Variants in CSE1L observed in about 807,000 individuals in gnomAD.
CSE1L encodes chromosome segregation 1 like.
CSE1L carries 24 observed loss-of-function variants against 120.4 expected under a neutral mutation model. The observed-to-expected ratio is 0.20, with a 90% CI of 0.14 to 0.28. The LOEUF is 0.28. CSE1L is among the 10% of genes least tolerant of loss of function. CSE1L has a pLI of 1.00. For missense variants in CSE1L, 830 were observed against 1,145.2 expected (o/e 0.72, Z 3.97); for synonymous variants, 402 against 398.3 (o/e 1.01, Z -0.11).
chr20:49,067,384 T>A, intron 6 of CSE1L, 104 bp downstream of exon 6: 1 of 707,966 alleles, frequency 1.4e-6, no homozygotes, highest in Non-Finnish European at 2.2e-6. Flanking sequence ...TGATAGATAA[T>A]GTTTAGAGCA....
At chr20:49,068,225 G>A (rs549803975) in intron 6 of CSE1L, among the ~76,000 whole-genome samples, 102 of 152,168 alleles carry the variant, frequency 6.7e-4, no homozygotes, top group African/African-American at 2.2e-3. Context: ...GGACTTTTTA[G>A]TGCCATTATG....
intron 1 of CSE1L, among the ~76,000 whole-genome samples, chr20:49,054,481 A>C (rs1372771434): frequency 6.6e-6 from 1 of 152,200 alleles, no homozygotes; most frequent in African/African-American, 2.4e-5. Context: ...AGCCTTGGGT[A>C]ATAGAAAGAG....
At chr20:49,054,446 C>T (rs929154510) in intron 1 of CSE1L, among the ~76,000 whole-genome samples, 4 of 152,080 alleles carry the variant, frequency 2.6e-5, no homozygotes, top group Admixed American at 2.0e-4. Context: ...CTTGGTCAGC[C>T]GTCTGTCATT....
intron 5 of CSE1L, 121 bp downstream of exon 5, chr20:49,066,631 A>C: frequency 1.1e-6 from 1 of 898,718 alleles, no homozygotes; most frequent in Admixed American, 2.9e-5. Context: ...GAATGAGAGC[A>C]GAAGTTTCTG....
At chr20:49,095,272 A>G (rs1306484015) in intron 24 of CSE1L, 2 of 319,052 alleles carry the variant, frequency 6.3e-6, no homozygotes, top group Non-Finnish European at 1.2e-5. Context: ...TTTATTTCCC[A>G]GATCGAAGTA....
chr20:49,048,140 C>CTG (rs1447136251), intron 1 of CSE1L, among the ~76,000 whole-genome samples: 6 of 141,662 alleles, frequency 4.2e-5, no homozygotes, highest in African/African-American at 1.7e-4. Flanking sequence ...CTGTGTGTGT[C>CTG]TCTCTCTTTT....
chr20:49,086,167 A>G (rs545342086), intron 16 of CSE1L, among the ~76,000 whole-genome samples: 1 of 152,200 alleles, frequency 6.6e-6, no homozygotes, highest in Admixed American at 6.5e-5. Context: ...AGATAGTCTC[A>G]GTGTTTTTCA....
intron 14 of CSE1L, among the ~76,000 whole-genome samples, chr20:49,080,838 C>A (rs554701178): frequency 3.3e-5 from 5 of 152,276 alleles, no homozygotes; most frequent in Admixed American, 1.3e-4. Context: ...TGAACTACTA[C>A]AATCATAGCT....
intron 3 of CSE1L, among the ~76,000 whole-genome samples, chr20:49,065,472 A>G (rs2091885056): frequency 6.6e-6 from 1 of 150,878 alleles, no homozygotes. Context: ...ACAGGTGCCC[A>G]CCACCATGTT....
intron 14 of CSE1L, among the ~76,000 whole-genome samples, chr20:49,080,402 T>C (rs776533668): frequency 9.2e-5 from 14 of 152,212 alleles, no homozygotes; most frequent in Middle Eastern, 3.4e-3. Context: ...TTTAATGATG[T>C]TAAGACAGAT....
chr20:49,053,992 G>T (rs1461780815), intron 1 of CSE1L, among the ~76,000 whole-genome samples: 2 of 152,218 alleles, frequency 1.3e-5, no homozygotes, highest in African/African-American at 4.8e-5. Context: ...CAGTAACTTT[G>T]TGAGTTTAAA....
intron 13 of CSE1L, 89 bp downstream of exon 13, chr20:49,077,153 C>CTTTTT (rs11439721): frequency 2.3e-4 from 92 of 402,472 alleles, no homozygotes; most frequent in Middle Eastern, 6.8e-4. Flanking sequence ...CCCTTTTGTT[C>CTTTTT]TTTTTTTTTT....
chr20:49,076,068 G>T (rs2091966075), intron 12 of CSE1L, among the ~76,000 whole-genome samples: 1 of 152,204 alleles, frequency 6.6e-6, no homozygotes, highest in Non-Finnish European at 1.5e-5. Context: ...CTGACCTCGT[G>T]TGATCCTCAC....
In CSE1L at chr20:49,063,439, C is replaced by T. The variant is rs148567834; in HGVS notation, c.228+95C>T. The T allele has an allele frequency of 5.7e-3, 4,098 of 723,812 alleles. 106 individuals are homozygous for T. The highest frequency in any genetic ancestry group is 0.054 in the Admixed American group (1,415 of 26,324). 44.8% of individuals were successfully genotyped at this position (723,812 alleles called of 1,614,324 possible). On this transcript the variant is annotated intron_variant, in intron 3 of 24. Coordinates refer to ENST00000262982, the MANE Select transcript of CSE1L (RefSeq NM_001316.4). ...AAAGATAAGGCACGTGCTTGTAGTC[C>T]CAACTACTCTGGAGGCTGAGGCGGA...
rs1330390273 is a variant in CSE1L, at chr20:49,075,477, T to C, written c.1292T>C (p.Ile431Thr). ...SVNWKHKDAA[I>T]YLVTSLASKA... ...AACTGGAAACACAAAGATGCAGCCA[T>C]CTACCTAGTGACATCTTTGGCATCA... The change falls in exon 12 of 25, where the codon ATC (isoleucine) becomes ACC (threonine). Residue 431 changes from isoleucine to threonine, a missense_variant. Around this residue, in one of 4 missense-constraint regions of CSE1L, gnomAD observed 543 missense variants for 640.2 expected, o/e 0.85. Transcript: ENST00000262982. 6.2e-7 allele frequency: 1 copy of C among 1,614,148 alleles called. No individual in the cohort carries two copies. Among genetic ancestry groups the C allele is most frequent in the African/African-American group, 1.3e-5 (1 of 75,024 alleles).
chr20:49,052,755 AT>A (rs1368409844), intron 1 of CSE1L, among the ~76,000 whole-genome samples: 1 of 152,106 alleles, frequency 6.6e-6, no homozygotes, highest in Non-Finnish European at 1.5e-5. Context: ...CACCTGGCTA[AT>A]TTTTTGTATA....
At position 49,055,439 on chromosome 20, in the gene CSE1L, C is replaced by T. The variant is rs148748512; in HGVS notation, c.-11-3014C>T. Among the ~76,000 whole-genome samples the T allele has an allele frequency of 2.0e-3, 304 of 152,120 alleles. 1 individual carries two copies. The highest frequency in any genetic ancestry group is 7.0e-3 in the African/African-American group (289 of 41,508). On this transcript the variant is annotated intron_variant, in intron 1 of 24. Coordinates refer to ENST00000262982, the MANE Select transcript of CSE1L (RefSeq NM_001316.4). ...AGGCATTTTAAAAATAAATGGGTCCCGGTATGGTGGGTCATGCCTGTAATC... is the reference window on the plus strand; with the variant it reads ...AGGCATTTTAAAAATAAATGGGTCCTGGTATGGTGGGTCATGCCTGTAATC...
At chr20:49,049,019 C>A (rs760739812) in intron 1 of CSE1L, among the ~76,000 whole-genome samples, 3 of 152,148 alleles carry the variant, frequency 2.0e-5, no homozygotes, top group Non-Finnish European at 4.4e-5. Context: ...AATTGAGGGC[C>A]TGTGGGAAGA....
rs191214819 is a variant in CSE1L, at chr20:49,079,182, T to C, written c.1482+560T>C. ...TGCTGGGACTACAGGTGTGAGCCAC[T>C]GCACCCAACTGCCTTCCTTTCCTTT... On this transcript the variant is annotated intron_variant, in intron 14 of 24. Transcript: ENST00000262982. Among the ~76,000 whole-genome samples the C allele has an allele frequency of 2.5e-3, 382 of 151,814 alleles. 3 individuals are homozygous for C. The highest frequency in any genetic ancestry group is 8.9e-3 in the African/African-American group (370 of 41,402).
Sources: gnomAD v4.1 joint callset for allele counts (sites outside exome capture counted in the v4.1 genomes callset) on GRCh38, gnomAD v4.1.1 for gene constraint, gnomAD v4.1.1 regional missense constraint, MANE v1.5 for transcripts, NCBI Gene and HGNC (gene_info 2026-07-23, HGNC 2026-07-21) for gene names.